The following PTPRS variants were observed in gnomAD, a reference collection of about 807,000 sequenced individuals.
PTPRS encodes protein tyrosine phosphatase receptor type S.
PTPRS carries 63 observed loss-of-function variants against 215.3 expected under a neutral mutation model. The observed-to-expected ratio is 0.29, with a 90% CI of 0.24 to 0.36. The LOEUF (loss-of-function observed/expected upper bound fraction) is 0.36. Among genes scored for constraint, PTPRS ranks in the 10% least tolerant of loss-of-function variants. PTPRS has a pLI of 1.00. For missense variants in PTPRS, 2,258 were observed against 2,825.8 expected, an observed-to-expected ratio of 0.80 and a Z score of 4.56; for synonymous variants, 1,404 against 1,191.4, an observed-to-expected ratio of 1.18 and a Z score of -3.68.
chr19:5,241,233 G>T (rs555406499), intron 11 of PTPRS, among the ~76,000 whole-genome samples: 29 of 152,010 alleles, frequency 1.9e-4, no homozygotes, highest in African/African-American at 7.0e-4. Flanking sequence ...CGCTGGCTGC[G>T]AATTAGATGA....
chr19:5,274,440 C>T (rs748618870), intron 2 of PTPRS, 96 bp from the exon 3 acceptor site: 76 of 1,363,942 alleles, frequency 5.6e-5, no homozygotes, highest in Non-Finnish European at 6.9e-5. Context: ...CATGCCCTGC[C>T]CACGGAAGTG....
At chr19:5,258,478 A>G (rs1436376242) in intron 7 of PTPRS, among the ~76,000 whole-genome samples, 1 of 151,744 alleles carries the variant, frequency 6.6e-6, no homozygotes, top group Non-Finnish European at 1.5e-5. Flanking sequence ...CCTGGCCAGA[A>G]GGAAAGAGTG....
chr19:5,301,343 T>G (rs1600073378), intron 1 of PTPRS, among the ~76,000 whole-genome samples: 1 of 143,202 alleles, frequency 7.0e-6, no homozygotes. Context: ...TGAGACAGAG[T>G]CTCGCTCTGT....
intron 1 of PTPRS, among the ~76,000 whole-genome samples, chr19:5,314,534 CTTAT>C (rs960411880): frequency 7.2e-5 from 11 of 151,920 alleles, no homozygotes; most frequent in African/African-American, 1.2e-4. Context: ...CTCCACCTTT[CTTAT>C]TTATTTATTT....
chr19:5,312,942 T>A (rs1190619008), intron 1 of PTPRS, among the ~76,000 whole-genome samples: 2 of 152,042 alleles, frequency 1.3e-5, no homozygotes, highest in African/African-American at 2.4e-5. Flanking sequence ...TTAGACAGAG[T>A]CTCACTCTGT....
intron 2 of PTPRS, among the ~76,000 whole-genome samples, chr19:5,275,176 T>C (rs2146622585): frequency 6.6e-6 from 1 of 151,900 alleles, no homozygotes; most frequent in South Asian, 2.1e-4. Context: ...GTTCAAGCGA[T>C]TCTCCTGCCT....
At chr19:5,247,172 T>G (rs1327285223) in intron 9 of PTPRS, among the ~76,000 whole-genome samples, 1 of 150,554 alleles carries the variant, frequency 6.6e-6, no homozygotes, top group Non-Finnish European at 1.5e-5. Context: ...ATCACAGCCC[T>G]GGCAGAATAA....
Position 5,243,952 on chromosome 19 carries a change from C to G in PTPRS, c.1519G>C (p.Val507Leu). The G allele has an allele frequency of 6.3e-7, 1 of 1,588,930 alleles. No homozygotes were observed. The highest frequency in any genetic ancestry group is 8.5e-7 in the Non-Finnish European group (1 of 1,172,004). ...YTVRVLAFTS[V>L]GDGPLSDPIQ... ...GGGTCCGAGAGGGGCCCGTCGCCGA[C>G]GGAGGTGAAGGCGAGCACCCGCACG... Residue 507 changes from valine (V) to leucine (L), a missense_variant, in exon 11 of 38, where the codon GTC (valine) becomes CTC (leucine). Coordinates refer to ENST00000262963, the MANE Select transcript of PTPRS (RefSeq NM_002850.4).
At chr19:5,211,902 T>G in intron 32 of PTPRS, 63 bp downstream of exon 32, 1 of 1,549,972 alleles carries the variant, frequency 6.5e-7, no homozygotes, top group Middle Eastern at 2.0e-4. Flanking sequence ...GAGGCGGGCC[T>G]GATTTTCGGC....
intron 15 of PTPRS, 68 bp downstream of exon 15, chr19:5,229,423 T>TG (rs916842103): frequency 3.7e-6 from 5 of 1,358,344 alleles, no homozygotes; most frequent in African/African-American, 1.5e-5. Flanking sequence ...GAAGCAGAGG[T>TG]GGGGGGAGCG....
chr19:5,215,014 T>C (rs2041290507), intron 28 of PTPRS, among the ~76,000 whole-genome samples: 1 of 152,250 alleles, frequency 6.6e-6, no homozygotes, highest in Non-Finnish European at 1.5e-5. Context: ...CTTCAAGTTG[T>C]GACAACCAAA....
At chr19:5,263,061 A>C (rs1195745405) in intron 5 of PTPRS, 89 bp from the exon 6 acceptor site, 1 of 109,288 alleles carries the variant, frequency 9.2e-6, no homozygotes, top group Non-Finnish European at 1.8e-5. Flanking sequence ...CGAGGAGGGG[A>C]GGGCGGGGGA....
In PTPRS at chr19:5,206,859, G is replaced by T; in HGVS notation, c.5779-17C>A. On this transcript the variant is annotated splice_polypyrimidine_tract_variant and intron_variant, in intron 37 of 37. Transcript: ENST00000262963. ...GTACTCATCCTGGGGGAGCAGAGGT[G>T]ACCTGTTAGTACCTCCGCTGCTCTA... is the stretch of plus-strand genomic sequence containing the variant. 1 of 1,613,040 alleles carries T rather than the reference G, an allele frequency of 6.2e-7. No homozygotes were observed. The highest frequency in any genetic ancestry group is 8.5e-7 in the Non-Finnish European group (1 of 1,179,066).
In PTPRS at chr19:5,306,872, C is replaced by G. The variant is rs79198174; in HGVS notation, c.-94-20638G>C. ...CTTCCGAAGTTAAGTTTATACATTCCCTTTAGGCCTGATAACACCACCTCT... is the reference window on the plus strand; with the variant it reads ...CTTCCGAAGTTAAGTTTATACATTCGCTTTAGGCCTGATAACACCACCTCT... On this transcript the variant is annotated intron_variant, in intron 1 of 37. Coordinates refer to ENST00000262963, the MANE Select transcript of PTPRS (RefSeq NM_002850.4). 8.4e-3 allele frequency among the ~76,000 whole-genome samples: 1,275 copies of G among 152,296 alleles called. 9 individuals carry two copies. The highest frequency in any genetic ancestry group is 0.014 in the Middle Eastern group (4 of 294).
Position 5,305,124 on chromosome 19 carries a change from A to G in PTPRS, c.-94-18890T>C, listed in dbSNP as rs146547500. 3.9e-3 allele frequency among the ~76,000 whole-genome samples: 589 copies of G among 152,330 alleles called. 18 individuals carry two copies. Among genetic ancestry groups the G allele is most frequent in the Non-Finnish European group, 7.4e-4 (50 of 68,024 alleles). On this transcript the variant is annotated intron_variant, in intron 1 of 37. Transcript: ENST00000262963. ...ATCTCCCCAAGACATAAAAACCCCT[A>G]TCAAGCACTTAGCAGGAGCAAAACA...
chr19:5,259,548 C>T (rs907142613), intron 7 of PTPRS, among the ~76,000 whole-genome samples: 13 of 152,116 alleles, frequency 8.5e-5, no homozygotes, highest in African/African-American at 2.2e-4. Flanking sequence ...AGTTTCCACA[C>T]GTATGTTTGT....
At chr19:5,235,825 G>A (rs2043396209) in intron 13 of PTPRS, among the ~76,000 whole-genome samples, 1 of 152,158 alleles carries the variant, frequency 6.6e-6, no homozygotes, top group Non-Finnish European at 1.5e-5. Flanking sequence ...GAGAGTTCCC[G>A]CATATTAAAG....
At chr19:5,270,551 C>T (rs2046821896) in intron 4 of PTPRS, among the ~76,000 whole-genome samples, 1 of 152,188 alleles carries the variant, frequency 6.6e-6, no homozygotes, top group South Asian at 2.1e-4. Context: ...CTCAAGTGAT[C>T]CTCTTGACTT....
intron 2 of PTPRS, among the ~76,000 whole-genome samples, chr19:5,274,945 C>T (rs552347392): frequency 2.6e-5 from 4 of 152,160 alleles, no homozygotes; most frequent in South Asian, 2.1e-4. Context: ...TGGCTGGACA[C>T]GAGGGGTCAG....
Sources: allele counts gnomAD v4.1 joint callset (sites outside exome capture counted in the v4.1 genomes callset), GRCh38; gene constraint gnomAD v4.1.1; transcripts MANE v1.5; gene names NCBI Gene and HGNC (gene_info 2026-07-23, HGNC 2026-07-21).